CNKSR2: variants seen among roughly 807,000 people sequenced by gnomAD.
The protein encoded by CNKSR2 is CNK homolog protein 2.
Under a neutral mutation model 84.4 loss-of-function variants are expected in CNKSR2, and 14 were observed. The observed-to-expected ratio is 0.17, with a 90% CI of 0.11 to 0.26. The LOEUF is 0.26. Ranked by LOEUF, CNKSR2 falls within the 10% of genes least tolerant of loss-of-function variation. The pLI is 1.00. For synonymous variants in CNKSR2, 275 were observed against 277.9 expected, an observed-to-expected ratio of 0.99 and a Z score of 0.10; for missense variants, 485 against 771.2, an observed-to-expected ratio of 0.63 and a Z score of 4.40.
At chrX:21,634,759 C>G (rs1385513896) in intron 20 of CNKSR2, among the ~76,000 whole-genome samples, 1 of 106,172 alleles carries the variant, frequency 9.4e-6, no homozygotes, top group Non-Finnish European at 1.9e-5. Flanking sequence ...GTAATCCTCC[C>G]AAAATCAAGA....
intron 3 of CNKSR2, 83 bp from the exon 4 acceptor site, chrX:21,440,611 G>T: frequency 2.5e-6 from 1 of 399,561 alleles, no homozygotes; most frequent in Non-Finnish European, 4.3e-6. Flanking sequence ...TCATATTATT[G>T]ATAAACTCAT....
chrX:21,594,066 C>T (rs776214708), intron 15 of CNKSR2: 8 of 111,678 alleles, frequency 7.2e-5, no homozygotes, highest in African/African-American at 2.3e-4. Flanking sequence ...AGACATGAAT[C>T]GACCTAAATG....
intron 1 of CNKSR2, among the ~76,000 whole-genome samples, chrX:21,396,249 C>T (rs2090120384): frequency 9.1e-6 from 1 of 109,491 alleles, no homozygotes. Context: ...TCTAAATACA[C>T]CTGTAAGAGC....
intron 13 of CNKSR2, among the ~76,000 whole-genome samples, chrX:21,565,160 G>A (rs1400780431): frequency 9.0e-6 from 1 of 111,437 alleles, no homozygotes; most frequent in Non-Finnish European, 1.9e-5. Flanking sequence ...TTGACTCAGA[G>A]TGTACAAATT....
At chrX:21,595,256 C>A in intron 16 of CNKSR2, 68 bp from the exon 17 acceptor site, 1 of 839,312 alleles carries the variant, frequency 1.2e-6, no homozygotes, top group Non-Finnish European at 1.8e-6. Context: ...GTAATTTTGC[C>A]CGTCAGAATT....
At position 21,635,378 on chromosome X, in the gene CNKSR2, A is replaced by ATGTGTG. The variant is rs74314224; in HGVS notation, c.2693-13427_2693-13422dup. Among the ~76,000 whole-genome samples the ATGTGTG allele has an allele frequency of 1.9e-4, 18 of 94,728 alleles. No individual in the cohort carries two copies. The East Asian group carries it at 3.9e-3, about 21-fold the overall frequency. 82.3% of individuals were successfully genotyped at this position (94,728 alleles called of 115,157 possible). ...CAGTCTGAAATTTGATCTAAAATAA[A>ATGTGTG]TGTGTGTGTGTGTGTGTGTGTGTGT... On this transcript the variant is annotated intron_variant, in intron 20 of 21. Coordinates refer to ENST00000379510, the MANE Select transcript of CNKSR2 (RefSeq NM_014927.5).
chrX:21,472,450 G>A (rs2091209706), intron 5 of CNKSR2, among the ~76,000 whole-genome samples: 1 of 111,527 alleles, frequency 9.0e-6, no homozygotes, highest in African/African-American at 3.3e-5. Context: ...TCATGCATTG[G>A]CTGCTACGAA....
rs1192042671 is a variant in CNKSR2, at chrX:21,652,852, C to A, written c.*331C>A. 6 of 151,460 alleles carry A rather than the reference C, an allele frequency of 4.0e-5. No homozygotes were observed. Among genetic ancestry groups the A allele is most frequent in the Non-Finnish European group, 1.3e-5 (1 of 79,641 alleles). 12.5% of individuals were successfully genotyped at this position (151,460 alleles called of 1,213,427 possible). A position where few individuals can be genotyped will look rare whatever the true frequency, so the allele number is the denominator to read the frequency against. On this transcript the variant is annotated 3_prime_UTR_variant, in exon 22 of 22. Transcript: ENST00000379510. ...TTCTATCTATGGTCATCTTTTCTCC[C>A]TTTAAGTTAATTTTATATAAACAAG...
intron 20 of CNKSR2, among the ~76,000 whole-genome samples, chrX:21,634,915 C>T (rs1445476512): frequency 9.4e-6 from 1 of 106,361 alleles, no homozygotes. Context: ...TATATATATA[C>T]ACTAAATTCA....
intron 5 of CNKSR2, among the ~76,000 whole-genome samples, chrX:21,472,805 G>A (rs1002131378): frequency 9.0e-6 from 1 of 110,901 alleles, no homozygotes; most frequent in Non-Finnish European, 1.9e-5. Context: ...AATGATGAAA[G>A]AAATACTGTG....
At chrX:21,494,513 C>T (rs1239704763) in intron 6 of CNKSR2, 2 of 111,376 alleles carry the variant, frequency 1.8e-5, no homozygotes, top group Admixed American at 9.5e-5. Flanking sequence ...GCCAGTACAC[C>T]CTGAGAGAGG....
At chrX:21,382,062 T>C (rs2089906905) in intron 1 of CNKSR2, among the ~76,000 whole-genome samples, 1 of 111,647 alleles carries the variant, frequency 9.0e-6, no homozygotes, top group African/African-American at 3.3e-5. Context: ...TTAGAAAATA[T>C]TTGTTGAGAG....
At position 21,536,301 on chromosome X, in the gene CNKSR2, G is replaced by T. The variant is rs769650142; in HGVS notation, c.1303+4234G>T. Among the ~76,000 whole-genome samples the T allele has an allele frequency of 9.0e-5, 10 of 111,184 alleles. No homozygotes were observed. In the East Asian group the frequency reaches 2.3e-3, roughly 25 times the overall value. Reference sequence around the variant, plus strand: ...GATTTTTGCATCCATATTCATGAGGGATATTGGTCTGTAGTTTTCTTTTTT... The same window carrying T: ...GATTTTTGCATCCATATTCATGAGGTATATTGGTCTGTAGTTTTCTTTTTT... On this transcript the variant is annotated intron_variant, in intron 11 of 21. Coordinates refer to ENST00000379510, the MANE Select transcript of CNKSR2 (RefSeq NM_014927.5).
chrX:21,462,952 C>T (rs945195179), intron 4 of CNKSR2, among the ~76,000 whole-genome samples: 3 of 110,170 alleles, frequency 2.7e-5, no homozygotes, highest in Non-Finnish European at 3.8e-5. Flanking sequence ...GTGATCCGCC[C>T]GCCTCGGCCT....
At chrX:21,408,241 G>A (rs1490591411) in intron 1 of CNKSR2, among the ~76,000 whole-genome samples, 5 of 111,878 alleles carry the variant, frequency 4.5e-5, no homozygotes, top group Non-Finnish European at 7.5e-5. Context: ...AATATATAGT[G>A]CAGGAAATTC....
chrX:21,630,637 A>G (rs759048699), intron 20 of CNKSR2, among the ~76,000 whole-genome samples: 1 of 111,169 alleles, frequency 9.0e-6, no homozygotes, highest in East Asian at 2.8e-4. Context: ...TGCCCCTCAG[A>G]CTTATAATTT....
At chrX:21,580,293 G>A (rs781127429) in intron 13 of CNKSR2, among the ~76,000 whole-genome samples, 1 of 111,316 alleles carries the variant, frequency 9.0e-6, no homozygotes, top group South Asian at 3.7e-4. Context: ...TATGAAAAAA[G>A]TCTCTAAATC....
intron 6 of CNKSR2, among the ~76,000 whole-genome samples, chrX:21,496,557 C>G (rs922433256): frequency 9.0e-6 from 1 of 111,581 alleles, no homozygotes; most frequent in Non-Finnish European, 1.9e-5. Context: ...ACTGAAATGA[C>G]TTTTTAGAAT....
chrX:21,379,310 G>C (rs767353969), intron 1 of CNKSR2, among the ~76,000 whole-genome samples: 2 of 112,407 alleles, frequency 1.8e-5, no homozygotes, highest in Non-Finnish European at 3.8e-5. Flanking sequence ...TCTTGAGAGA[G>C]AGATTGGAAA....
Sources: allele counts gnomAD v4.1 joint callset (sites outside exome capture counted in the v4.1 genomes callset), GRCh38; gene constraint gnomAD v4.1.1; transcripts MANE v1.5; gene names NCBI Gene and HGNC (gene_info 2026-07-23, HGNC 2026-07-21).